PCDHGA10: variants seen among roughly 807,000 people sequenced by gnomAD.
PCDHGA10 encodes protocadherin gamma-A10.
In PCDHGA10, 42 loss-of-function variants were observed where a neutral mutation model predicts 59.5. The observed-to-expected ratio is 0.71, with a 90% CI of 0.55 to 0.91. The LOEUF (loss-of-function observed/expected upper bound fraction) is 0.91. PCDHGA10 is among the 40% of genes least tolerant of loss of function. The pLI is 0.00. For synonymous variants in PCDHGA10, 511 were observed against 517.2 expected (o/e 0.99, Z 0.16); for missense variants, 1,111 against 1,198.2 (o/e 0.93, Z 1.07).
chr5:141,492,320 G>A (rs1001784912), intron 1 of PCDHGA10, among the ~76,000 whole-genome samples: 1 of 152,206 alleles, frequency 6.6e-6, no homozygotes. Flanking sequence ...CTCCTCGCAC[G>A]TGGGCTTACG....
rs776348214 is a variant in PCDHGA10 at position 141,487,781 on chromosome 5, G to A, written c.2437-7026G>A. 108 of 1,526,850 alleles carry A rather than the reference G, an allele frequency of 7.1e-5. No individual in the cohort carries two copies. Among genetic ancestry groups the A allele is most frequent in the East Asian group, 3.7e-4 (15 of 40,622 alleles). 94.6% of individuals were successfully genotyped at this position (1,526,850 alleles called of 1,614,324 possible). On this transcript the variant is annotated intron_variant, in intron 1 of 3. Coordinates refer to ENST00000398610, the MANE Select transcript of PCDHGA10 (RefSeq NM_018913.3). This position sits in a 1 kb window ranked among gnomAD's most constrained non-coding sequence, Gnocchi z 5.0. ...AGACGCTGTGCTTTGTAACTGTTTC[G>A]TGAATTAACCAGAGTTGTCACAGTT... is the stretch of plus-strand genomic sequence containing the variant.
At chr5:141,455,159 G>GT (rs1390145608) in intron 1 of PCDHGA10, among the ~76,000 whole-genome samples, 2,419 of 144,948 alleles carry the variant, frequency 0.017, 50 homozygotes, top group African/African-American at 0.056. Context: ...TTAGTTTGTT[G>GT]GTTTTTTTTT....
chr5:141,481,781 G>A (rs957054361), intron 1 of PCDHGA10, among the ~76,000 whole-genome samples: 3 of 151,998 alleles, frequency 2.0e-5, no homozygotes, highest in Admixed American at 6.6e-5. Context: ...GTGAAACCCC[G>A]TCTCTACTAA....
At position 141,413,133 on chromosome 5, in the gene PCDHGA10, C is replaced by T. The variant is rs765215473; in HGVS notation, c.-43C>T. The stretch of plus-strand genomic sequence containing the variant: ...CAAAGGAACCGGTTGAAACACACAA[C>T]GTGTCCAGTGAGGACTTTGCAGAAT... On this transcript the variant is annotated 5_prime_UTR_variant, in exon 1 of 4. The change creates a new upstream start codon in the 5' untranslated region. Transcript: ENST00000398610. 1.1e-5 allele frequency: 17 copies of T among 1,542,110 alleles called. No individual in the cohort carries two copies. In the East Asian group the frequency reaches 3.2e-4, roughly 29 times the overall value.
In PCDHGA10 at chr5:141,413,740, C is replaced by T. The variant is rs1274240064; in HGVS notation, c.565C>T (p.Arg189Cys). The change falls in exon 1 of 4, where the codon CGT becomes TGT. Residue 189 changes from arginine (R) to cysteine (C), a missense_variant. Coordinates refer to ENST00000398610, the MANE Select transcript of PCDHGA10 (RefSeq NM_018913.3). ...GCACTTCTCCCTAAGAGTTCAGAGC[C>T]GTGCCAATGGCGTCAAGTACCCGGA... ...NKHFSLRVQS[R>C]ANGVKYPELV... The T allele has an allele frequency of 5.6e-6, 9 of 1,613,284 alleles. No homozygotes were observed. Among genetic ancestry groups the T allele is most frequent in the African/African-American group, 1.3e-5 (1 of 74,898 alleles).
chr5:141,476,123 C>G lies in PCDHGA10; in HGVS notation c.2437-18684C>G. Reference sequence around the variant, plus strand: ...GGAACTGCTTTTGAGTGAGATGGTCCCAGAGGCCTGGAGGAGCGGACTGGT... The same window carrying G: ...GGAACTGCTTTTGAGTGAGATGGTCGCAGAGGCCTGGAGGAGCGGACTGGT... On this transcript the variant is annotated intron_variant, in intron 1 of 3. Coordinates refer to ENST00000398610, the MANE Select transcript of PCDHGA10 (RefSeq NM_018913.3). This position sits in a 1 kb window ranked among gnomAD's most constrained non-coding sequence, Gnocchi z 7.6. 1 of 1,602,442 alleles carries G rather than the reference C, an allele frequency of 6.2e-7. No individual in the cohort carries two copies. The highest frequency in any genetic ancestry group is 8.5e-7 in the Non-Finnish European group (1 of 1,176,022).
rs534816363 is a variant in PCDHGA10, at chr5:141,456,234, G to T, written c.2437-38573G>T. Among the ~76,000 whole-genome samples the T allele has an allele frequency of 2.2e-4, 33 of 152,224 alleles. 1 individual carries two copies. The South Asian group carries it at 6.9e-3, about 32-fold the overall frequency. On this transcript the variant is annotated intron_variant, in intron 1 of 3. Transcript: ENST00000398610. ...CTGTGGCGATATCAAACTAACTGCT[G>T]TTAGGAGGCTTTGGGCGACCATTGC...
chr5:141,421,395 G>A (rs2096569109), intron 1 of PCDHGA10: 1 of 1,613,950 alleles, frequency 6.2e-7, no homozygotes, highest in Admixed American at 1.7e-5. Flanking sequence ...TGGGGCTGGA[G>A]CCCCGGGAGC....
intron 1 of PCDHGA10, chr5:141,427,874 G>A: frequency 1.3e-6 from 2 of 1,560,274 alleles, no homozygotes; most frequent in South Asian, 2.2e-5. Flanking sequence ...AGCTCACGAT[G>A]CAGGCCCACG....
Position 141,491,665 on chromosome 5 carries a change from C to T in PCDHGA10, c.2437-3142C>T, listed in dbSNP as rs749918160. 6.2e-7 allele frequency: 1 copy of T among 1,613,764 alleles called. No homozygotes were observed. The highest frequency in any genetic ancestry group is 8.5e-7 in the Non-Finnish European group (1 of 1,180,000). On this transcript the variant is annotated intron_variant, in intron 1 of 3. Transcript: ENST00000398610. The surrounding 1 kb of genome is among the most constrained non-coding windows in gnomAD (Gnocchi z 6.9). ...TCTGGCGCTGGAGCCTGACGCCATCCGGTCCCGCTCTAATACGCTGCGGGA... is the reference window on the plus strand; with the variant it reads ...TCTGGCGCTGGAGCCTGACGCCATCTGGTCCCGCTCTAATACGCTGCGGGA...
chr5:141,448,948 AAAAC>A (rs1237948751), intron 1 of PCDHGA10, among the ~76,000 whole-genome samples: 14 of 152,170 alleles, frequency 9.2e-5, no homozygotes, highest in African/African-American at 9.7e-5. Flanking sequence ...GCAACTCAAA[AAAAC>A]AAACAAACAA....
At position 141,486,114 on chromosome 5, in the gene PCDHGA10, A is replaced by G; in HGVS notation, c.2437-8693A>G. On this transcript the variant is annotated intron_variant, in intron 1 of 3. Coordinates refer to ENST00000398610, the MANE Select transcript of PCDHGA10 (RefSeq NM_018913.3). This position sits in a 1 kb window ranked among gnomAD's most constrained non-coding sequence, Gnocchi z 5.0. ...GGGCCCCTAGACTTTGAGAGTGAGAATTACTATGAATTTGATGTGCGGGCT... is the reference window on the plus strand; with the variant it reads ...GGGCCCCTAGACTTTGAGAGTGAGAGTTACTATGAATTTGATGTGCGGGCT... 3 of 1,614,082 alleles carry G rather than the reference A, an allele frequency of 1.9e-6. No individual in the cohort carries two copies. Among genetic ancestry groups the G allele is most frequent in the South Asian group, 2.2e-5 (2 of 91,072 alleles).
intron 1 of PCDHGA10, among the ~76,000 whole-genome samples, chr5:141,475,341 C>T (rs1306106224): frequency 6.6e-6 from 1 of 152,162 alleles, no homozygotes; most frequent in Non-Finnish European, 1.5e-5. Context: ...CAATGACATC[C>T]AGTTTTAAAA....
At chr5:141,468,154 G>A (rs1374898668) in intron 1 of PCDHGA10, among the ~76,000 whole-genome samples, 2 of 151,838 alleles carry the variant, frequency 1.3e-5, no homozygotes, top group African/African-American at 2.4e-5. Flanking sequence ...GTGAAACCCT[G>A]TCTCTGCTAA....
Position 141,420,299 on chromosome 5 carries a change from T to A in PCDHGA10, c.2436+4688T>A, listed in dbSNP as rs377297222. On this transcript the variant is annotated intron_variant, in intron 1 of 3. Coordinates refer to ENST00000398610, the MANE Select transcript of PCDHGA10 (RefSeq NM_018913.3). Reference sequence around the variant, plus strand: ...GGTAAGTATTTAAAAATGTATTTAATCCTTTTTATATTACAATATGCCAAT... The same window carrying A: ...GGTAAGTATTTAAAAATGTATTTAAACCTTTTTATATTACAATATGCCAAT... 6.8e-6 allele frequency: 10 copies of A among 1,465,980 alleles called. No homozygotes were observed. The African/African-American group carries it at 1.4e-4, about 21-fold the overall frequency. 90.8% of individuals were successfully genotyped at this position (1,465,980 alleles called of 1,614,324 possible). A position where few individuals can be genotyped will look rare whatever the true frequency, so the allele number is the denominator to read the frequency against.
intron 1 of PCDHGA10, chr5:141,419,150 C>T (rs1276109093): frequency 1.2e-6 from 2 of 1,613,850 alleles, no homozygotes; most frequent in Admixed American, 3.3e-5. Flanking sequence ...GGGCAAGCCT[C>T]CGTTATCCTC....
intron 1 of PCDHGA10, among the ~76,000 whole-genome samples, chr5:141,472,688 A>G (rs970538300): frequency 2.0e-5 from 3 of 151,384 alleles, no homozygotes; most frequent in African/African-American, 7.3e-5. Context: ...CATTTCCCCT[A>G]GAAATAAGTG....
chr5:141,430,583 C>A, intron 1 of PCDHGA10: 1 of 490,378 alleles, frequency 2.0e-6, no homozygotes, highest in Non-Finnish European at 3.4e-6. Flanking sequence ...AGATCCTGCT[C>A]GCCTTGCACG....
chr5:141,472,145 A>C (rs1376068421), intron 1 of PCDHGA10, among the ~76,000 whole-genome samples: 1 of 152,244 alleles, frequency 6.6e-6, no homozygotes, highest in Non-Finnish European at 1.5e-5. Context: ...TAAAAGTTTC[A>C]TGGTTACATA....
Sources: allele counts gnomAD v4.1 joint callset (sites outside exome capture counted in the v4.1 genomes callset), GRCh38; gene constraint gnomAD v4.1.1; non-coding constraint Gnocchi (gnomAD v3.1); transcripts MANE v1.5; gene names NCBI Gene and HGNC (gene_info 2026-07-23, HGNC 2026-07-21).